Variants in VAV2 observed in about 807,000 individuals in gnomAD.
VAV2 encodes the protein vav guanine nucleotide exchange factor 2.
Under a neutral mutation model 132.5 loss-of-function variants are expected in VAV2, and 67 were observed. The observed-to-expected ratio is 0.51, with a 90% CI of 0.42 to 0.62. VAV2 has a LOEUF of 0.62. Among genes scored for constraint, VAV2 ranks in the 20% least tolerant of loss-of-function variants. VAV2 has a pLI of 0.00. For synonymous variants in VAV2, 492 were observed against 443.5 expected, an observed-to-expected ratio of 1.11 and a Z score of -1.37; for missense variants, 938 against 1,153.6, an observed-to-expected ratio of 0.81 and a Z score of 2.71.
chr9:133,862,613 G>C (rs1164257747), intron 2 of VAV2, among the ~76,000 whole-genome samples: 1 of 152,210 alleles, frequency 6.6e-6, no homozygotes, highest in African/African-American at 2.4e-5. Flanking sequence ...TGGGCAACAA[G>C]AAAAGGCCCA....
chr9:133,974,249 G>A (rs570512229), intron 1 of VAV2, among the ~76,000 whole-genome samples: 2 of 152,230 alleles, frequency 1.3e-5, no homozygotes, highest in East Asian at 1.9e-4. Flanking sequence ...ACGGGGTAGC[G>A]GTCAGTAACG....
intron 19 of VAV2, among the ~76,000 whole-genome samples, chr9:133,781,073 C>T (rs1251140342): frequency 6.6e-6 from 1 of 152,226 alleles, no homozygotes; most frequent in Non-Finnish European, 1.5e-5. Context: ...GGGAGATTTC[C>T]ACAATCGCTT....
intron 2 of VAV2, among the ~76,000 whole-genome samples, chr9:133,932,882 G>A (rs959324435): frequency 5.1e-4 from 77 of 152,364 alleles, no homozygotes; most frequent in African/African-American, 1.8e-3. Context: ...GTCTCCCCAG[G>A]TGGCAGGGGC....
rs538621693 is a variant in VAV2, at chr9:133,878,336, C to A, written c.322-16904G>T. ...GAGCCAACTGCGACCCAAGCACGAT[C>A]GAGGCTGTGTGTTTCTGAAAGGATC... On this transcript the variant is annotated intron_variant, in intron 2 of 29. Transcript: ENST00000371850. Among the ~76,000 whole-genome samples the A allele has an allele frequency of 2.0e-5, 3 of 152,292 alleles. No homozygotes were observed. The South Asian group carries it at 6.2e-4, about 32-fold the overall frequency.
Position 133,764,026 on chromosome 9 carries a change from C to G in VAV2, c.*36G>C. ...GACTTCAGGGCTGGAGTGACTCTCC[C>G]AAGAAAATCTGCGAGTCTTGTCCAC... On this transcript the variant is annotated 3_prime_UTR_variant, in exon 30 of 30. Coordinates refer to ENST00000371850, the MANE Select transcript of VAV2 (RefSeq NM_001134398.2). 1 of 1,613,828 alleles carries G rather than the reference C, an allele frequency of 6.2e-7. No individual in the cohort carries two copies. Among genetic ancestry groups the G allele is most frequent in the Non-Finnish European group, 8.5e-7 (1 of 1,179,784 alleles).
At chr9:133,860,318 CT>C (rs1424098891) in intron 3 of VAV2, among the ~76,000 whole-genome samples, 1 of 151,688 alleles carries the variant, frequency 6.6e-6, no homozygotes, top group Non-Finnish European at 1.5e-5. Flanking sequence ...AAAAAAAAGT[CT>C]ATCCTATATT....
At chr9:133,817,063 G>C (rs753067837) in intron 4 of VAV2, among the ~76,000 whole-genome samples, 1 of 152,226 alleles carries the variant, frequency 6.6e-6, no homozygotes, top group Non-Finnish European at 1.5e-5. Context: ...TGAGTCTACA[G>C]TGTAATTTGG....
chr9:133,828,378 CGCCCACTGGGGCTGA>C (rs1564385965), intron 4 of VAV2, among the ~76,000 whole-genome samples: 4 of 3,198 alleles, frequency 1.3e-3, no homozygotes, highest in Admixed American at 2.6e-3. Context: ...CCTACCGCTG[CGCCCACTGGGGCTGA>C]CCACTGAGTG....
intron 1 of VAV2, among the ~76,000 whole-genome samples, chr9:133,955,277 C>G (rs929004121): frequency 8.6e-5 from 13 of 151,964 alleles, no homozygotes; most frequent in African/African-American, 3.1e-4. Context: ...ATGCCACCCT[C>G]CACAAGCCCA....
chr9:133,779,465 G>A (rs1369989745), intron 21 of VAV2, among the ~76,000 whole-genome samples: 2 of 152,250 alleles, frequency 1.3e-5, no homozygotes, highest in Non-Finnish European at 2.9e-5. Flanking sequence ...GCCGATGAGG[G>A]TGAGGCTGTA....
chr9:133,773,059 C>T (rs141051593), intron 25 of VAV2, among the ~76,000 whole-genome samples: 22 of 139,462 alleles, frequency 1.6e-4, no homozygotes, highest in Admixed American at 3.6e-4. Context: ...CTAGGCTGGA[C>T]GGCAGAGCCT....
chr9:133,775,910 G>A, intron 24 of VAV2, 118 bp downstream of exon 24: 2 of 1,355,002 alleles, frequency 1.5e-6, no homozygotes, highest in Non-Finnish European at 2.0e-6. Context: ...ATGGCAACAG[G>A]CAGCCTGGGG....
intron 2 of VAV2, among the ~76,000 whole-genome samples, chr9:133,875,874 G>T (rs185210526): frequency 1.3e-3 from 198 of 152,356 alleles, no homozygotes; most frequent in Non-Finnish European, 2.1e-3. Context: ...CAGCATCTGA[G>T]TCGGCAGCCG....
Position 133,879,643 on chromosome 9 carries a change from C to T in VAV2, c.322-18211G>A, listed in dbSNP as rs554135231. Among the ~76,000 whole-genome samples the T allele has an allele frequency of 6.6e-6, 1 of 152,234 alleles. No homozygotes were observed. The highest frequency in any genetic ancestry group is 6.5e-5 in the Admixed American group (1 of 15,292). On this transcript the variant is annotated intron_variant, in intron 2 of 29. Transcript: ENST00000371850. The surrounding 1 kb of genome is among the most constrained non-coding windows in gnomAD (Gnocchi z 4.4). ...AAATGCAAATCTAAGCAACAAGCCGCACACACCAGGACGAACAGCACTGCT... is the reference window on the plus strand; with the variant it reads ...AAATGCAAATCTAAGCAACAAGCCGTACACACCAGGACGAACAGCACTGCT...
Position 133,883,400 on chromosome 9 carries a change from C to G in VAV2, c.322-21968G>C, listed in dbSNP as rs1838577360. ...ACGGGTGTGAGCCACAGTGGGCAGT[C>G]AGGGCCAGGGAGAGGAACAGAGCCG... On this transcript the variant is annotated intron_variant, in intron 2 of 29. Coordinates refer to ENST00000371850, the MANE Select transcript of VAV2 (RefSeq NM_001134398.2). The surrounding 1 kb of genome is among the most constrained non-coding windows in gnomAD (Gnocchi z 4.2). 6.6e-6 allele frequency among the ~76,000 whole-genome samples: 1 copy of G among 152,176 alleles called. No homozygotes were observed. Among genetic ancestry groups the G allele is most frequent in the Admixed American group, 6.5e-5 (1 of 15,288 alleles).
chr9:133,795,610 C>T, intron 12 of VAV2, 58 bp downstream of exon 12: 2 of 1,597,922 alleles, frequency 1.3e-6, no homozygotes, highest in Middle Eastern at 1.7e-4. Flanking sequence ...AATTCCAGTC[C>T]AAGAACACGG....
intron 4 of VAV2, among the ~76,000 whole-genome samples, chr9:133,825,090 C>T (rs1835932361): frequency 6.7e-6 from 1 of 149,702 alleles, no homozygotes; most frequent in African/African-American, 2.5e-5. Flanking sequence ...AGCACGCAGT[C>T]TTAAAGGGTC....
intron 2 of VAV2, among the ~76,000 whole-genome samples, chr9:133,869,154 C>T (rs966725336): frequency 2.0e-5 from 3 of 152,254 alleles, no homozygotes; most frequent in South Asian, 2.1e-4. Flanking sequence ...AGTGTTACCA[C>T]ACCTGGCTAA....
intron 1 of VAV2, among the ~76,000 whole-genome samples, chr9:133,964,329 T>C (rs562546961): frequency 1.3e-5 from 2 of 151,356 alleles, no homozygotes; most frequent in African/African-American, 4.8e-5. Flanking sequence ...TATATACACA[T>C]ATGTATATAC....
Sources: allele counts gnomAD v4.1 joint callset (sites outside exome capture counted in the v4.1 genomes callset), GRCh38; gene constraint gnomAD v4.1.1; non-coding constraint Gnocchi (gnomAD v3.1); transcripts MANE v1.5; gene names NCBI Gene and HGNC (gene_info 2026-07-23, HGNC 2026-07-21).